The following STK31 variants were observed in gnomAD, a reference collection of about 807,000 sequenced individuals.
The protein encoded by STK31 is serine/threonine kinase 31, also known as serine/threonine-protein kinase 31.
In STK31, 89 loss-of-function variants were observed where a neutral mutation model predicts 129.7. That is an observed-to-expected ratio of 0.69 (90% CI 0.58 to 0.82). STK31 has a LOEUF of 0.82. Among genes scored for constraint, STK31 ranks in the 40% least tolerant of loss-of-function variants. The pLI is 0.00. For synonymous variants in STK31, 448 were observed against 395.3 expected, an observed-to-expected ratio of 1.13 and a Z score of -1.58; for missense variants, 1,187 against 1,176.4, an observed-to-expected ratio of 1.01 and a Z score of -0.13.
In STK31 at chr7:23,785,418, A is replaced by T. The variant is rs917048420; in HGVS notation, c.2149-60A>T. ...TAATATCGTGTAACTAATTATTTTG[A>T]TGATTTTTAAGTGCTGGGATTGTTT... On this transcript the variant is annotated intron_variant, in intron 17 of 23. Transcript: ENST00000355870. 3.2e-6 allele frequency: 5 copies of T among 1,581,084 alleles called. No homozygotes were observed. In the African/African-American group the frequency reaches 6.8e-5, roughly 21 times the overall value.
intron 8 of STK31, among the ~76,000 whole-genome samples, chr7:23,740,065 G>T (rs1449607131): frequency 6.6e-6 from 1 of 152,182 alleles, no homozygotes; most frequent in African/African-American, 2.4e-5. Flanking sequence ...ACTTTGGGCA[G>T]TGTGGCCATT....
intron 23 of STK31, among the ~76,000 whole-genome samples, chr7:23,829,937 T>TTA (rs960030723): frequency 1.1e-3 from 161 of 152,264 alleles, no homozygotes; most frequent in African/African-American, 3.7e-3. Context: ...TAATAGTCTT[T>TTA]ATGTTTTGTA....
At chr7:23,825,266 C>T (rs572713938) in intron 23 of STK31, among the ~76,000 whole-genome samples, 13 of 152,298 alleles carry the variant, frequency 8.5e-5, no homozygotes, top group African/African-American at 2.9e-4. Flanking sequence ...ATTATTGCCT[C>T]AATTTCAGAG....
chr7:23,729,006 A>G (rs1022213002), intron 5 of STK31, 85 bp from the exon 6 acceptor site: 11 of 1,283,880 alleles, frequency 8.6e-6, no homozygotes, highest in South Asian at 1.9e-5. Flanking sequence ...TATACAGGTC[A>G]TTAACAGAGA....
chr7:23,769,846 T>G, intron 13 of STK31, 90 bp downstream of exon 13: 1 of 803,106 alleles, frequency 1.2e-6, no homozygotes, highest in Non-Finnish European at 2.0e-6. Context: ...ATAGAGTTTT[T>G]CTTGCTAGTT....
chr7:23,766,428 A>C (rs1333096225), intron 11 of STK31, among the ~76,000 whole-genome samples: 1 of 152,030 alleles, frequency 6.6e-6, no homozygotes, highest in Non-Finnish European at 1.5e-5. Context: ...GTGCCCGGCT[A>C]ATTTTAGTAG....
At position 23,785,531 on chromosome 7, in the gene STK31, G is replaced by T. The variant is rs760361483; in HGVS notation, c.2202G>T (p.Glu734Asp). Reference protein sequence around the residue: ...MSLERDLLDAEPMKELSSKRP... With the variant: ...MSLERDLLDADPMKELSSKRP... Reference sequence around the variant, plus strand: ...TGGAACGAGATCTTCTTGATGCTGAGCCCATGAAGGAACTTAGCAGCAAGC... The same window carrying T: ...TGGAACGAGATCTTCTTGATGCTGATCCCATGAAGGAACTTAGCAGCAAGC... The change falls in exon 18 of 24, where the codon GAG becomes GAT. Residue 734 changes from glutamate to aspartate, a missense_variant. Transcript: ENST00000355870. 5.6e-6 allele frequency: 9 copies of T among 1,613,990 alleles called. No individual in the cohort carries two copies. Among genetic ancestry groups the T allele is most frequent in the Non-Finnish European group, 7.6e-6 (9 of 1,179,928 alleles).
chr7:23,790,148 G>C (rs1169080121), intron 21 of STK31, among the ~76,000 whole-genome samples: 1 of 152,078 alleles, frequency 6.6e-6, no homozygotes, highest in African/African-American at 2.4e-5. Flanking sequence ...ATCGTAGCTA[G>C]AAAAAAGATA....
intron 3 of STK31, among the ~76,000 whole-genome samples, chr7:23,716,449 G>T (rs1786330757): frequency 1.3e-5 from 2 of 152,042 alleles, no homozygotes; most frequent in African/African-American, 4.8e-5. Flanking sequence ...TGTTTTAGGA[G>T]ACTTATTGTG....
chr7:23,749,148 T>C (rs557470294), intron 8 of STK31, among the ~76,000 whole-genome samples: 2 of 152,366 alleles, frequency 1.3e-5, no homozygotes, highest in South Asian at 4.1e-4. Flanking sequence ...TTTGCTTACA[T>C]TGCCCGTCTG....
At chr7:23,780,410 C>T (rs1790849199) in intron 15 of STK31, among the ~76,000 whole-genome samples, 1 of 152,148 alleles carries the variant, frequency 6.6e-6, no homozygotes, top group Non-Finnish European at 1.5e-5. Context: ...GGAGGCAGGT[C>T]TGTGCCTTTC....
At chr7:23,766,082 T>C (rs1228133499) in intron 11 of STK31, among the ~76,000 whole-genome samples, 1 of 152,220 alleles carries the variant, frequency 6.6e-6, no homozygotes, top group Non-Finnish European at 1.5e-5. Context: ...ATATTTTCTC[T>C]AAGAGTGCTT....
chr7:23,798,456 C>A (rs10215120), intron 22 of STK31, among the ~76,000 whole-genome samples: 25,042 of 85,736 alleles, frequency 0.29, 4,859 homozygotes, highest in Non-Finnish European at 0.33. Context: ...ATATGCAAAT[C>A]AGTAAACATA....
At chr7:23,710,552 G>C in intron 1 of STK31, 1 of 1,412,922 alleles carries the variant, frequency 7.1e-7, no homozygotes, top group South Asian at 1.5e-5. Flanking sequence ...CGGCCTGAAT[G>C]ATCTCCATGA....
At chr7:23,771,900 G>T in intron 14 of STK31, 1 of 246,882 alleles carries the variant, frequency 4.1e-6, no homozygotes, top group African/African-American at 2.2e-5. Context: ...TTTATTGTAT[G>T]TCTCAGTTTG....
chr7:23,810,227 A>G (rs1423734811), intron 22 of STK31, among the ~76,000 whole-genome samples: 4 of 151,980 alleles, frequency 2.6e-5, no homozygotes, highest in African/African-American at 9.7e-5. Context: ...TTGTGTTTCA[A>G]CATTAATGTT....
intron 8 of STK31, among the ~76,000 whole-genome samples, chr7:23,742,415 A>G (rs1304999005): frequency 6.6e-6 from 1 of 152,106 alleles, no homozygotes; most frequent in Non-Finnish European, 1.5e-5. Context: ...GGTCCCTGGT[A>G]TCTAAACTCT....
intron 8 of STK31, among the ~76,000 whole-genome samples, chr7:23,742,011 G>A (rs1379383720): frequency 6.6e-6 from 1 of 152,256 alleles, no homozygotes; most frequent in Non-Finnish European, 1.5e-5. Context: ...TGGGCAAAAA[G>A]CTGTGGGAAG....
intron 23 of STK31, among the ~76,000 whole-genome samples, chr7:23,824,800 A>G (rs1046586232): frequency 6.6e-6 from 1 of 151,390 alleles, no homozygotes; most frequent in Non-Finnish European, 1.5e-5. Flanking sequence ...GAGAGTCTTT[A>G]GCATGAAGCG....
Sources: gnomAD v4.1 joint callset for allele counts (sites outside exome capture counted in the v4.1 genomes callset) on GRCh38, gnomAD v4.1.1 for gene constraint, MANE v1.5 for transcripts, NCBI Gene and HGNC (gene_info 2026-07-23, HGNC 2026-07-21) for gene names.